The following VASP variants were observed in gnomAD, a reference collection of about 807,000 sequenced individuals.
VASP encodes vasodilator stimulated phosphoprotein, also known as vasodilator-stimulated phosphoprotein.
A neutral mutation model predicts 54.4 loss-of-function variants in VASP; 27 were observed. That is an observed-to-expected ratio of 0.50 (90% CI 0.37 to 0.68). The LOEUF is 0.68. VASP is among the 30% of genes least tolerant of loss of function. The pLI is 0.00. For synonymous variants in VASP, 233 were observed against 209.8 expected (o/e 1.11, Z -0.96); for missense variants, 488 against 528.3 (o/e 0.92, Z 0.75).
chr19:45,525,860 T>C (rs1968950998), intron 11 of VASP, 86 bp from the exon 12 acceptor site: 6 of 1,359,386 alleles, frequency 4.4e-6, no homozygotes, highest in Non-Finnish European at 6.2e-6. Context: ...CAGAGCAAGG[T>C]TCCTTCTCAA....
At chr19:45,524,235 A>G in intron 10 of VASP, 93 bp downstream of exon 10, 2 of 1,434,966 alleles carry the variant, frequency 1.4e-6, no homozygotes, top group Non-Finnish European at 1.9e-6. Context: ...ACATGGCGAC[A>G]CCCCATCTCT....
At position 45,521,372 on chromosome 19, in the gene VASP, G is replaced by A. The variant is rs1259262397; in HGVS notation, c.394G>A (p.Gly132Ser). The change falls in exon 4 of 13, where the codon GGC (glycine) becomes AGC (serine). Residue 132 changes from glycine (G) to serine (S), a missense_variant. Physicochemically the swap from Gly to Ser is moderately conservative, Grantham distance 56. Transcript: ENST00000245932. ...ACTTCCCACCTGGTCGGTCCCGAAC[G>A]GCCCCTCCCCGGAGGAGGTGGAGCA... ...PALPTWSVPNGPSPEEVEQQK... is the reference protein window; with the variant it reads ...PALPTWSVPNSPSPEEVEQQK... The A allele has an allele frequency of 6.3e-7, 1 of 1,581,622 alleles. No homozygotes were observed. The highest frequency in any genetic ancestry group is 2.3e-5 in the East Asian group (1 of 43,536).
intron 3 of VASP, among the ~76,000 whole-genome samples, chr19:45,518,973 A>G (rs1170091620): frequency 6.6e-6 from 1 of 152,132 alleles, no homozygotes; most frequent in Non-Finnish European, 1.5e-5. Flanking sequence ...CTGGGATTAC[A>G]GGCATGTGCC....
In VASP at chr19:45,522,577, G is replaced by T; in HGVS notation, c.716G>T (p.Ser239Ile). ...GCTGGAGCCAAACTCAGGAAAGTCA[G>T]CAAGGTGAGGGGCCGGGAGAGGTGG... The part of the protein sequence containing the change: ...AIAGAKLRKV[S>I]KQEEASGGPT... Residue 239 changes from serine to isoleucine, a missense_variant, in exon 6 of 13, where the codon AGC (serine) becomes ATC (isoleucine). Ser to Ile is a moderately radical substitution (Grantham distance 142). Transcript: ENST00000245932. 6.8e-7 allele frequency: 1 copy of T among 1,468,022 alleles called. No homozygotes were observed. Among genetic ancestry groups the T allele is most frequent in the South Asian group, 1.4e-5 (1 of 70,738 alleles). 90.9% of individuals were successfully genotyped at this position (1,468,022 alleles called of 1,614,324 possible). A position where few individuals can be genotyped will look rare whatever the true frequency, so the allele number is the denominator to read the frequency against.
rs766654758 is a variant in VASP, at chr19:45,523,924, T to C, written c.910+47T>C. On this transcript the variant is annotated intron_variant, in intron 9 of 12. Transcript: ENST00000245932. ...GCCACAGGAACTACAAATCCCAGAATACTCTGTTCTCACATGTTAAGCACC... is the reference window on the plus strand; with the variant it reads ...GCCACAGGAACTACAAATCCCAGAACACTCTGTTCTCACATGTTAAGCACC... 2.5e-6 allele frequency: 4 copies of C among 1,612,530 alleles called. No homozygotes were observed. The African/African-American group carries it at 5.3e-5, about 22-fold the overall frequency.
chr19:45,523,175 A>C (rs1387168493), intron 7 of VASP, among the ~76,000 whole-genome samples: 2 of 144,570 alleles, frequency 1.4e-5, no homozygotes, highest in African/African-American at 5.2e-5. Flanking sequence ...TGATTCTAGA[A>C]CCACAATCTC....
chr19:45,513,497 A>T (rs1255476638), intron 1 of VASP, among the ~76,000 whole-genome samples: 2 of 106,110 alleles, frequency 1.9e-5, no homozygotes, highest in African/African-American at 8.7e-5. Context: ...TTTGAGACAG[A>T]GTCTCGCTCT....
chr19:45,507,775 A>G lies in VASP; in HGVS notation c.4A>G (p.Ser2Gly). ...GCCGCCCGCCCGCCGAGCAGCCATG[A>G]GGTGAGCCGGACCTGCCCCCCGACC... MSETVICSSRAT... is the reference protein window; with the variant it reads MGETVICSSRAT... Residue 2 changes from serine to glycine, a missense_variant and splice_region_variant, in exon 1 of 13, where the codon AGC becomes GGC. This residue lies in a region of VASP where 127 missense variants were observed against 170.7 expected (regional missense o/e 0.74). Transcript: ENST00000245932. The surrounding 1 kb of genome is among the most constrained non-coding windows in gnomAD (Gnocchi z 4.4). 1 of 1,495,334 alleles carries G rather than the reference A, an allele frequency of 6.7e-7. No individual in the cohort carries two copies. Among genetic ancestry groups the G allele is most frequent in the South Asian group, 1.2e-5 (1 of 80,342 alleles). The allele number at this position is 1,495,334 out of a possible 1,614,324, so 92.6% of individuals were successfully genotyped here.
At chr19:45,509,517 C>CTCACCA (rs1555727393) in intron 1 of VASP, among the ~76,000 whole-genome samples, 1 of 150,982 alleles carries the variant, frequency 6.6e-6, no homozygotes, top group African/African-American at 2.4e-5. Context: ...CCCTGTCCTC[C>CTCACCA]CCACCACCAC....
Position 45,524,621 on chromosome 19 carries a change from C to T in VASP, c.1008C>T (p.Pro336=), listed in dbSNP as rs780993813. 2.2e-5 allele frequency: 35 copies of T among 1,613,866 alleles called. No individual in the cohort carries two copies. Among genetic ancestry groups the T allele is most frequent in the Non-Finnish European group, 2.9e-5 (34 of 1,179,960 alleles). The change falls in exon 11 of 13, where the codon CCC becomes CCT. Residue 336 remains proline, a synonymous_variant. Coordinates refer to ENST00000245932, the MANE Select transcript of VASP (RefSeq NM_003370.4). The part of the protein sequence containing the change: ...VTTSETQPCT[P]SSSDYSDLQR... ...CTTCCGAGACCCAACCCTGCACGCC[C>T]AGCTCCAGTGATTACTCGGACCTAC... is the stretch of plus-strand genomic sequence containing the variant.
chr19:45,519,656 C>T (rs531994001), intron 3 of VASP, among the ~76,000 whole-genome samples: 24 of 138,336 alleles, frequency 1.7e-4, no homozygotes, highest in South Asian at 7.5e-4. Context: ...AGTGCAGTGG[C>T]GCGATCTCCG....
Position 45,507,490 on chromosome 19 carries a change from A to G in VASP, c.-282A>G. 4.0e-6 allele frequency: 2 copies of G among 497,812 alleles called. No individual in the cohort carries two copies. Among genetic ancestry groups the G allele is most frequent in the Non-Finnish European group, 7.1e-6 (2 of 281,880 alleles). 30.8% of individuals were successfully genotyped at this position (497,812 alleles called of 1,614,324 possible). ...TAACGAAGAGAAGTACAGTAGTAAGAGTAACACTGTAGCCGCCACCGGCAA... is the reference window on the plus strand; with the variant it reads ...TAACGAAGAGAAGTACAGTAGTAAGGGTAACACTGTAGCCGCCACCGGCAA... On this transcript the variant is annotated 5_prime_UTR_variant, in exon 1 of 13. Coordinates refer to ENST00000245932, the MANE Select transcript of VASP (RefSeq NM_003370.4). This position sits in a 1 kb window ranked among gnomAD's most constrained non-coding sequence, Gnocchi z 4.4.
At chr19:45,518,388 T>C (rs557817473) in intron 3 of VASP, among the ~76,000 whole-genome samples, 4 of 151,988 alleles carry the variant, frequency 2.6e-5, no homozygotes, top group East Asian at 3.9e-4. Flanking sequence ...CATGGTGAAA[T>C]TGCGTCTCTA....
intron 11 of VASP, 102 bp downstream of exon 11, chr19:45,524,762 G>A: frequency 1.7e-6 from 2 of 1,198,604 alleles, no homozygotes; most frequent in Non-Finnish European, 2.4e-6. Context: ...AGAAACCTCA[G>A]GTTTCCAATC....
At position 45,521,417 on chromosome 19, in the gene VASP, G is replaced by A. The variant is rs144328622; in HGVS notation, c.428+11G>A. 13 of 1,542,056 alleles carry A rather than the reference G, an allele frequency of 8.4e-6. No individual in the cohort carries two copies. The East Asian group carries it at 1.7e-4, about 20-fold the overall frequency. On this transcript the variant is annotated intron_variant, in intron 4 of 12. Coordinates refer to ENST00000245932, the MANE Select transcript of VASP (RefSeq NM_003370.4). ...GGAGCAGCAGAAAAGGTGGGGCTGG[G>A]CCCTGGGTGGGGAACCTTAGCCGCT...
intron 4 of VASP, 152 bp from the exon 5 acceptor site, chr19:45,522,016 C>T (rs1298506567): frequency 2.2e-6 from 2 of 920,312 alleles, no homozygotes; most frequent in African/African-American, 1.7e-5. Context: ...CACCCAGCCC[C>T]CTTCTTGGTT....
rs759766350 is a variant in VASP at position 45,518,001 on chromosome 19, G to A, written c.250G>A (p.Asp84Asn). ...CACCCCCAACTTCCATCAGTGGCGC[G>A]ACGCTCGCCAGGTCTGGGGCCTCAA... ...QATPNFHQWR[D>N]ARQVWGLNFG... Residue 84 changes from aspartate (D) to asparagine (N), a missense_variant, in exon 3 of 13, where the codon GAC becomes AAC. Around this residue, in one of 4 missense-constraint regions of VASP, gnomAD observed 127 missense variants for 170.7 expected, o/e 0.74. Transcript: ENST00000245932. 3 of 1,613,912 alleles carry A rather than the reference G, an allele frequency of 1.9e-6. No individual in the cohort carries two copies. The highest frequency in any genetic ancestry group is 1.6e-4 in the Middle Eastern group (1 of 6,062).
At position 45,522,345 on chromosome 19, in the gene VASP, C is replaced by T. The variant is rs780946845; in HGVS notation, c.484C>T (p.Pro162Ser). Residue 162 changes from proline (P) to serine (S), a missense_variant, in exon 6 of 13, where the codon CCA becomes TCA. Physicochemically the swap from Pro to Ser is moderately conservative, Grantham distance 74 (BLOSUM62 -1). Transcript: ENST00000245932. The stretch of plus-strand genomic sequence containing the variant: ...CTTTTCTGTGTTTGTTTCAGGAGGC[C>T]CACCTGCTCCCCCCGCTGGGGGTCC... ...IERRVSNAGG[P>S]PAPPAGGPPP... The T allele has an allele frequency of 1.3e-6, 2 of 1,596,984 alleles. No homozygotes were observed. Among genetic ancestry groups the T allele is most frequent in the Non-Finnish European group, 1.7e-6 (2 of 1,172,094 alleles).
At chr19:45,517,234 C>T (rs148549395) in intron 1 of VASP, among the ~76,000 whole-genome samples, 5 of 151,866 alleles carry the variant, frequency 3.3e-5, no homozygotes, top group African/African-American at 1.2e-4. Flanking sequence ...CTCAAGTGAT[C>T]CTCCTGCCTC....
Sources: gnomAD v4.1 joint callset for allele counts (sites outside exome capture counted in the v4.1 genomes callset) on GRCh38, gnomAD v4.1.1 for gene constraint, gnomAD v4.1.1 regional missense constraint, Gnocchi (gnomAD v3.1) non-coding constraint, MANE v1.5 for transcripts, NCBI Gene and HGNC (gene_info 2026-07-23, HGNC 2026-07-21) for gene names.